The following RB1CC1 variants were observed in gnomAD, a reference collection of about 807,000 sequenced individuals.
RB1CC1 encodes RB1 inducible coiled-coil 1.
Under a neutral mutation model 177.5 loss-of-function variants are expected in RB1CC1, and 46 were observed. The observed-to-expected ratio is 0.26, with a 90% confidence interval of 0.20 to 0.33. The LOEUF (loss-of-function observed/expected upper bound fraction) is 0.33. Among genes scored for constraint, RB1CC1 ranks in the 10% least tolerant of loss-of-function variants. RB1CC1 has a pLI of 1.00. For synonymous variants in RB1CC1, 666 were observed against 613.6 expected, an observed-to-expected ratio of 1.09 and a Z score of -1.26; for missense variants, 1,703 against 1,816.3, an observed-to-expected ratio of 0.94 and a Z score of 1.13.
chr8:52,644,687 T>G (rs1324881307), intron 16 of RB1CC1, among the ~76,000 whole-genome samples: 1 of 152,178 alleles, frequency 6.6e-6, no homozygotes, highest in Non-Finnish European at 1.5e-5. Context: ...CTTCTTTCTT[T>G]CCCTAGGCCT....
chr8:52,633,863 C>T (rs752587299), intron 20 of RB1CC1, among the ~76,000 whole-genome samples: 5 of 152,058 alleles, frequency 3.3e-5, no homozygotes, highest in Non-Finnish European at 7.4e-5. Context: ...CTGAGGCAGG[C>T]GGATCGCTTA....
At chr8:52,700,096 CA>C (rs1855914916) in intron 1 of RB1CC1, among the ~76,000 whole-genome samples, 1 of 151,836 alleles carries the variant, frequency 6.6e-6, no homozygotes, top group Non-Finnish European at 1.5e-5. Context: ...TCATGCTACA[CA>C]AAAAACTTTA....
intron 12 of RB1CC1, 79 bp from the exon 13 acceptor site, chr8:52,659,055 TAATTA>T: frequency 2.9e-6 from 2 of 697,704 alleles, no homozygotes; most frequent in South Asian, 5.4e-5. Context: ...TTTCTTACTA[TAATTA>T]AATTTACTAT....
In RB1CC1 at chr8:52,673,943, G is replaced by A. The variant is rs770562570; in HGVS notation, c.904C>T (p.Pro302Ser). The A allele has an allele frequency of 6.2e-7, 1 of 1,614,000 alleles. No individual in the cohort carries two copies. Among genetic ancestry groups the A allele is most frequent in the South Asian group, 1.1e-5 (1 of 91,084 alleles). Residue 302 changes from proline to serine, a missense_variant, in exon 7 of 24, where the codon CCC (proline) becomes TCC (serine). Around this residue, in one of 6 missense-constraint regions of RB1CC1, gnomAD observed 315 missense variants for 304.9 expected, o/e 1.03. Transcript: ENST00000025008. ...TTIDTKDGDL[P>S]FFNVSLLDWI... ...TCTAACAAAGAGACATTAAAAAAGG[G>A]CAGATCACCATCTTTAGTGTCAATC...
chr8:52,658,115 T>G lies in RB1CC1; in HGVS notation c.1803A>C (p.Leu601Phe). Residue 601 changes from leucine to phenylalanine, a missense_variant, in exon 14 of 24, where the codon TTA (leucine) becomes TTC (phenylalanine). Around this residue, in one of 6 missense-constraint regions of RB1CC1, gnomAD observed 1,169 missense variants for 1,184.7 expected, o/e 0.99. Transcript: ENST00000025008. ...GGTGTAGAGGTTCAAAGTCACAAAG[T>G]AAGGGAACCCTGAAACAGAATGCAA... ...SEVQPFLRVP[L>F]LCDFEPLHQH... 6.2e-7 allele frequency: 1 copy of G among 1,611,848 alleles called. No homozygotes were observed. The highest frequency in any genetic ancestry group is 8.5e-7 in the Non-Finnish European group (1 of 1,179,468).
chr8:52,626,471 G>A (rs1250588364), intron 22 of RB1CC1, among the ~76,000 whole-genome samples: 1 of 152,064 alleles, frequency 6.6e-6, no homozygotes, highest in Non-Finnish European at 1.5e-5. Context: ...ACACATTTGT[G>A]TATATTTATA....
intron 16 of RB1CC1, among the ~76,000 whole-genome samples, chr8:52,644,079 C>T (rs1167763538): frequency 1.3e-5 from 2 of 151,750 alleles, no homozygotes; most frequent in Non-Finnish European, 2.9e-5. Context: ...ACATATAAAC[C>T]ATTATGTTTA....
intron 15 of RB1CC1, among the ~76,000 whole-genome samples, chr8:52,647,933 C>T (rs16918048): frequency 0.029 from 4,459 of 152,078 alleles, 247 homozygotes; most frequent in African/African-American, 0.1. Context: ...TAGAATTGTA[C>T]TAGAAAAAGT....
intron 20 of RB1CC1, among the ~76,000 whole-genome samples, chr8:52,631,034 T>G (rs1015756435): frequency 2.6e-5 from 4 of 152,158 alleles, no homozygotes; most frequent in African/African-American, 7.2e-5. Context: ...TTCTGTGTCC[T>G]TCCCCTATTG....
intron 18 of RB1CC1, among the ~76,000 whole-genome samples, chr8:52,636,696 T>G (rs1340137774): frequency 6.6e-6 from 1 of 152,188 alleles, no homozygotes; most frequent in Non-Finnish European, 1.5e-5. Context: ...AAGATTGACT[T>G]CTGTAAGAGT....
chr8:52,705,641 A>G (rs571126685), intron 1 of RB1CC1, among the ~76,000 whole-genome samples: 2 of 152,336 alleles, frequency 1.3e-5, no homozygotes, highest in East Asian at 3.9e-4. Context: ...TTTTCATTAT[A>G]CCATCACTTT....
chr8:52,637,007 TCAAA>T (rs1849195394), intron 18 of RB1CC1, among the ~76,000 whole-genome samples: 1 of 151,890 alleles, frequency 6.6e-6, no homozygotes, highest in South Asian at 2.1e-4. Context: ...TTAAGATTAG[TCAAA>T]CAGTGTGAGA....
At chr8:52,659,019 CA>C (rs751119659) in intron 12 of RB1CC1, 43 bp from the exon 13 acceptor site, 22 of 1,022,422 alleles carry the variant, frequency 2.2e-5, no homozygotes, top group Non-Finnish European at 2.8e-5. Flanking sequence ...TTTTTTCAAC[CA>C]AAAACAGACA....
chr8:52,628,595 A>C (rs1186586429), intron 21 of RB1CC1, among the ~76,000 whole-genome samples: 1 of 152,188 alleles, frequency 6.6e-6, no homozygotes, highest in Non-Finnish European at 1.5e-5. Context: ...AGTGCTCTTC[A>C]ATTTACAAGA....
intron 16 of RB1CC1, among the ~76,000 whole-genome samples, chr8:52,644,084 T>C (rs1849801683): frequency 6.6e-6 from 1 of 152,150 alleles, no homozygotes. Context: ...TAAACCATTA[T>C]GTTTATTTTC....
rs1851133751 is a variant in RB1CC1 at position 52,656,970 on chromosome 8, C to T, written c.2859G>A (p.Gln953=). ...AGTCTTCTAACACTATTTCTCGTGACTGCTTCAGTTCTTTAATTTCACAAT... is the reference window on the plus strand; with the variant it reads ...AGTCTTCTAACACTATTTCTCGTGATTGCTTCAGTTCTTTAATTTCACAAT... ...SQNCEIKELK[Q]SREIVLEDLK... Residue 953 remains glutamine, a synonymous_variant, in exon 15 of 24, where the codon CAG becomes CAA. Coordinates refer to ENST00000025008, the MANE Select transcript of RB1CC1 (RefSeq NM_014781.5). 1.9e-6 allele frequency: 3 copies of T among 1,613,658 alleles called. No homozygotes were observed. The highest frequency in any genetic ancestry group is 2.5e-6 in the Non-Finnish European group (3 of 1,179,932).
chr8:52,706,953 C>T (rs537664926), intron 1 of RB1CC1, among the ~76,000 whole-genome samples: 2 of 152,028 alleles, frequency 1.3e-5, no homozygotes, highest in Non-Finnish European at 2.9e-5. Flanking sequence ...TGAGTCACCA[C>T]GCCCCAATTG....
intron 15 of RB1CC1, among the ~76,000 whole-genome samples, chr8:52,650,298 C>T (rs947396197): frequency 3.3e-5 from 5 of 152,228 alleles, no homozygotes; most frequent in Non-Finnish European, 7.3e-5. Context: ...GATACCCACA[C>T]CTGACCTGGG....
At chr8:52,698,043 T>A (rs1310508562) in intron 1 of RB1CC1, among the ~76,000 whole-genome samples, 1 of 152,218 alleles carries the variant, frequency 6.6e-6, no homozygotes, top group Non-Finnish European at 1.5e-5. Context: ...AGACAGGATT[T>A]AAAATGTTAC....
Sources: gnomAD v4.1 joint callset for allele counts (sites outside exome capture counted in the v4.1 genomes callset) on GRCh38, gnomAD v4.1.1 for gene constraint, gnomAD v4.1.1 regional missense constraint, MANE v1.5 for transcripts, NCBI Gene and HGNC (gene_info 2026-07-23, HGNC 2026-07-21) for gene names.